The following YJU2B variants were observed in gnomAD, a reference collection of about 807,000 sequenced individuals.
The protein encoded by YJU2B is probable splicing factor YJU2B.
In YJU2B, 18 loss-of-function variants were observed where a neutral mutation model predicts 38.0. That is an observed-to-expected ratio of 0.47 (90% confidence interval 0.33 to 0.70). YJU2B has a LOEUF of 0.70. YJU2B is among the 30% of genes least tolerant of loss of function. The pLI is 0.02. For synonymous variants in YJU2B, 246 were observed against 225.4 expected (o/e 1.09, Z -0.82); for missense variants, 538 against 556.3 (o/e 0.97, Z 0.33).
upstream of YJU2B, among the ~76,000 whole-genome samples, chr19:13,747,463 C>G (rs1973283666): frequency 6.6e-6 from 1 of 152,220 alleles, no homozygotes; most frequent in South Asian, 2.1e-4. Context: ...ATAGTAAGAC[C>G]TTGCCTGTGC....
chr19:13,745,714 G>GATATATATAT (rs774614525), upstream of YJU2B, among the ~76,000 whole-genome samples: 1 of 120,992 alleles, frequency 8.3e-6, no homozygotes, highest in African/African-American at 3.3e-5. Flanking sequence ...GATATCTATA[G>GATATATATAT]ATCTATAGAT....
rs138278370 is a variant in YJU2B at position 13,762,979 on chromosome 19, C to A, written c.1102C>A (p.Gln368Lys). 7.8e-4 allele frequency: 1,258 copies of A among 1,610,682 alleles called. 8 individuals are homozygous for A. The African/African-American group carries it at 0.015, about 19-fold the overall frequency. The change falls in exon 10 of 10, where the codon CAG becomes AAG. Residue 368 changes from glutamine (Q) to lysine (K), a missense_variant. Physicochemically the swap from Gln to Lys is moderately conservative, Grantham distance 53 (BLOSUM62 1). Transcript: ENST00000221554. ...DKPLSPAGSSQEAADTPDTRH... is the reference protein window; with the variant it reads ...DKPLSPAGSSKEAADTPDTRH... ...GCCCCTGTCGCCAGCAGGCTCCTCCCAGGAGGCAGCTGACACCCCCGACAC... is the reference window on the plus strand; with the variant it reads ...GCCCCTGTCGCCAGCAGGCTCCTCCAAGGAGGCAGCTGACACCCCCGACAC...
At chr19:13,756,026 T>A (rs1973653432) in intron 3 of YJU2B, among the ~76,000 whole-genome samples, 171 bp from the exon 4 acceptor site, 1 of 152,204 alleles carries the variant, frequency 6.6e-6, no homozygotes, top group Admixed American at 6.5e-5. Flanking sequence ...GCCTACATGT[T>A]CCAGTAAGAC....
upstream of YJU2B, among the ~76,000 whole-genome samples, chr19:13,744,300 G>A (rs778800802): frequency 1.3e-4 from 20 of 152,204 alleles, no homozygotes; most frequent in Non-Finnish European, 2.1e-4. Context: ...CTGGTTAGGG[G>A]AAGTAACTTT....
chr19:13,759,490 A>G (rs904312937), intron 8 of YJU2B: 1 of 508,470 alleles, frequency 2.0e-6, no homozygotes, highest in African/African-American at 2.0e-5. Context: ...TTGGCTGGGC[A>G]CAGTGACTCA....
At chr19:13,754,866 G>C (rs1040414826) in intron 3 of YJU2B, among the ~76,000 whole-genome samples, 1 of 152,100 alleles carries the variant, frequency 6.6e-6, no homozygotes, top group Non-Finnish European at 1.5e-5. Context: ...CCTGAAGGCA[G>C]AGATGTTCAT....
chr19:13,740,146 G>A (rs772627813), intron 2 of YJU2B, among the ~76,000 whole-genome samples: 11 of 152,156 alleles, frequency 7.2e-5, no homozygotes, highest in African/African-American at 9.6e-5. Context: ...TTGAGTTCAT[G>A]TCCTTTGCAG....
At chr19:13,745,429 G>A (rs1375921410), upstream of YJU2B, among the ~76,000 whole-genome samples, 6 of 151,420 alleles carry the variant, frequency 4.0e-5, no homozygotes, top group Admixed American at 3.3e-4. Context: ...TTGGGAGGCC[G>A]AGGTGGGCAG....
At chr19:13,757,729 C>G in intron 5 of YJU2B, 57 bp from the exon 6 acceptor site, 1 of 1,537,572 alleles carries the variant, frequency 6.5e-7, no homozygotes, top group Non-Finnish European at 9.0e-7. Flanking sequence ...CTCATTTTAC[C>G]CATCTGCAAA....
chr19:13,745,756 T>TATATA (rs1555699921), upstream of YJU2B, among the ~76,000 whole-genome samples: 1 of 146,780 alleles, frequency 6.8e-6, no homozygotes, highest in African/African-American at 2.5e-5. Flanking sequence ...TATATATATA[T>TATATA]ATCAGGAGGA....
intron 1 of YJU2B, among the ~76,000 whole-genome samples, chr19:13,750,234 G>A (rs1014683981): frequency 2.6e-5 from 4 of 151,210 alleles, no homozygotes; most frequent in Non-Finnish European, 5.9e-5. Context: ...GGTTTTTTTT[G>A]TTTGTTTGTT....
rs1276717749 is a variant in YJU2B, at chr19:13,754,371, A to G, written c.57+29A>G. 16 of 1,579,020 alleles carry G rather than the reference A, an allele frequency of 1.0e-5. No homozygotes were observed. The East Asian group carries it at 3.6e-4, about 35-fold the overall frequency. On this transcript the variant is annotated intron_variant, in intron 3 of 9. Coordinates refer to ENST00000221554, the MANE Select transcript of YJU2B (RefSeq NM_030818.4). ...AGCAGGCTCTCCGCTCCAGGTCCAC[A>G]GTAGCAAAAAGACCCACGTCATCCC... is the stretch of plus-strand genomic sequence containing the variant.
At chr19:13,756,407 C>G (rs546996854) in intron 4 of YJU2B, 128 bp downstream of exon 4, 2 of 718,962 alleles carry the variant, frequency 2.8e-6, no homozygotes, top group South Asian at 3.0e-5. Flanking sequence ...GTCACCGTAT[C>G]AGTCAGTTAT....
intron 6 of YJU2B, 71 bp downstream of exon 6, chr19:13,757,917 G>A: frequency 7.4e-7 from 1 of 1,355,566 alleles, no homozygotes; most frequent in Non-Finnish European, 1.1e-6. Flanking sequence ...CAAAGAGCCT[G>A]AGTTGCGGGG....
intron 4 of YJU2B, among the ~76,000 whole-genome samples, chr19:13,756,717 G>A (rs1449534519): frequency 6.6e-6 from 1 of 152,126 alleles, no homozygotes; most frequent in Non-Finnish European, 1.5e-5. Flanking sequence ...GGTCACGCCT[G>A]TAAACCCAGC....
chr19:13,749,672 G>A (rs924795835), intron 1 of YJU2B, among the ~76,000 whole-genome samples: 1 of 133,908 alleles, frequency 7.5e-6, no homozygotes, highest in Non-Finnish European at 1.5e-5. Context: ...TCGCTCTATC[G>A]CCCAGGCTGG....
At chr19:13,757,654 C>G (rs2145155445) in intron 5 of YJU2B, 132 bp from the exon 6 acceptor site, 1 of 1,128,970 alleles carries the variant, frequency 8.9e-7, no homozygotes. Context: ...CTCTGGCTTC[C>G]AATCCCGTCT....
intron 2 of YJU2B, 98 bp downstream of exon 2, chr19:13,751,909 T>G (rs1973482270): frequency 3.5e-6 from 4 of 1,154,804 alleles, no homozygotes; most frequent in Non-Finnish European, 5.2e-6. Context: ...AAGATGATGA[T>G]TTCAATCTCC....
chr19:13,752,280 T>A (rs959106066), intron 2 of YJU2B, among the ~76,000 whole-genome samples: 4 of 152,016 alleles, frequency 2.6e-5, no homozygotes, highest in Admixed American at 2.6e-4. Context: ...CTTTCATTTT[T>A]TTTTAACAAG....
Sources: allele counts gnomAD v4.1 joint callset (sites outside exome capture counted in the v4.1 genomes callset), GRCh38; gene constraint gnomAD v4.1.1; transcripts MANE v1.5; gene names NCBI Gene and HGNC (gene_info 2026-07-23, HGNC 2026-07-21).